DNAH7: variants seen among roughly 807,000 people sequenced by gnomAD.
DNAH7 encodes dynein axonemal heavy chain 7.
A neutral mutation model predicts 444.6 loss-of-function variants in DNAH7; 397 were observed. The ratio of observed to expected loss-of-function variants is 0.89; its 90% confidence interval spans 0.82 to 0.97. The LOEUF (loss-of-function observed/expected upper bound fraction) is 0.97, where lower values mean the gene tolerates loss of function less well. Among genes scored for constraint, DNAH7 ranks in the 50% least tolerant of loss-of-function variants. The pLI is 0.00. For synonymous variants in DNAH7, 1,636 were observed against 1,624.4 expected, an observed-to-expected ratio of 1.01 and a Z score of -0.17; for missense variants, 4,902 against 4,800.8, an observed-to-expected ratio of 1.02 and a Z score of -0.62.
chr2:196,045,793 A>C (rs115040994), intron 5 of DNAH7, among the ~76,000 whole-genome samples: 2,629 of 152,228 alleles, frequency 0.017, 79 homozygotes, highest in African/African-American at 0.06. Flanking sequence ...AATAAAAATA[A>C]AGGAAGAATA....
chr2:195,738,823 C>T (rs1692812126), intron 64 of DNAH7, among the ~76,000 whole-genome samples: 1 of 152,138 alleles, frequency 6.6e-6, no homozygotes, highest in Admixed American at 6.5e-5. Flanking sequence ...TAGCAATCCT[C>T]GAGATGATAG....
chr2:195,856,582 G>A (rs183748330), intron 44 of DNAH7, among the ~76,000 whole-genome samples: 27 of 152,184 alleles, frequency 1.8e-4, no homozygotes, highest in Admixed American at 1.8e-3. Flanking sequence ...ATTAAAATTG[G>A]ATATGAGTTT....
intron 17 of DNAH7, 75 bp from the exon 18 acceptor site, chr2:195,961,020 C>G (rs945418104): frequency 3.1e-5 from 39 of 1,263,106 alleles, no homozygotes; most frequent in Non-Finnish European, 3.6e-5. Context: ...TTTTAAATAT[C>G]TATTTCAAAT....
rs200174261 is a variant in DNAH7, at chr2:195,787,213, T to G, written c.10717-42A>C. 415 of 1,526,092 alleles carry G rather than the reference T, an allele frequency of 2.7e-4. 2 individuals carry two copies. In the African/African-American group the frequency reaches 5.5e-3, roughly 20 times the overall value. 94.5% of individuals were successfully genotyped at this position (1,526,092 alleles called of 1,614,324 possible). On this transcript the variant is annotated intron_variant, in intron 57 of 64. Transcript: ENST00000312428. ...TGATGCCGCATCATTATTTTCTCCA[T>G]ATATTGCATTATATTTACCATATTT...
chr2:195,852,530 C>A (rs1298897055), intron 46 of DNAH7, among the ~76,000 whole-genome samples: 1 of 152,108 alleles, frequency 6.6e-6, no homozygotes, highest in Non-Finnish European at 1.5e-5. Context: ...TTTTCTAAAT[C>A]TCTTTGCCTG....
rs749849759 is a variant in DNAH7, at chr2:195,906,996, C to T, written c.4118G>A (p.Cys1373Tyr). The change falls in exon 26 of 65, where the codon TGT (cysteine) becomes TAT (tyrosine). Residue 1373 changes from cysteine to tyrosine, a missense_variant. Coordinates refer to ENST00000312428, the MANE Select transcript of DNAH7 (RefSeq NM_018897.3). ...CTCATCAAAGCAAGCCCAGGCTCCA[C>T]AAGATAACAGTCCCTATGAGAAAAG... ...LGKFFKGLLSCGAWACFDEFN... is the reference protein window; with the variant it reads ...LGKFFKGLLSYGAWACFDEFN... 37 of 1,612,388 alleles carry T rather than the reference C, an allele frequency of 2.3e-5. No homozygotes were observed. Among genetic ancestry groups the T allele is most frequent in the Non-Finnish European group, 8.5e-7 (1 of 1,179,198 alleles).
At chr2:195,992,076 T>C (rs1169757433) in intron 12 of DNAH7, among the ~76,000 whole-genome samples, 1 of 152,188 alleles carries the variant, frequency 6.6e-6, no homozygotes, top group Non-Finnish European at 1.5e-5. Flanking sequence ...TCTTTAGATG[T>C]TGCAAAAAAT....
At chr2:195,862,190 T>C (rs566616719) in intron 41 of DNAH7, among the ~76,000 whole-genome samples, 5 of 152,292 alleles carry the variant, frequency 3.3e-5, no homozygotes, top group African/African-American at 1.2e-4. Context: ...GAGAAATTGT[T>C]CATGAGTGTT....
At chr2:196,060,359 G>T (rs1481678186) in intron 1 of DNAH7, among the ~76,000 whole-genome samples, 1 of 152,096 alleles carries the variant, frequency 6.6e-6, no homozygotes, top group Non-Finnish European at 1.5e-5. Flanking sequence ...AAATAATGAG[G>T]TTTATTTTCA....
Position 195,897,759 on chromosome 2 carries a change from A to G in DNAH7, c.4555T>C (p.Tyr1519His), listed in dbSNP as rs774070820. ...LTAAGNLKLK[Y>H]PNENEEILLL... ...AAAATTTCTTCATTTTCATTTGGAT[A>G]TTTCAGCTAAAAAAAAAAAAAAAAA... is the stretch of plus-strand genomic sequence containing the variant. Residue 1519 changes from tyrosine (Y) to histidine (H), a missense_variant, in exon 29 of 65, where the codon TAT becomes CAT. Transcript: ENST00000312428. The G allele has an allele frequency of 1.4e-6, 2 of 1,437,820 alleles. No homozygotes were observed. Among genetic ancestry groups the G allele is most frequent in the Admixed American group, 4.1e-5 (2 of 48,888 alleles). 89.1% of individuals were successfully genotyped at this position (1,437,820 alleles called of 1,614,324 possible).
intron 57 of DNAH7, among the ~76,000 whole-genome samples, chr2:195,789,549 G>A (rs1695778451): frequency 6.6e-6 from 1 of 152,136 alleles, no homozygotes; most frequent in Non-Finnish European, 1.5e-5. Flanking sequence ...TGGTGCTAAA[G>A]TATCTCCCCC....
intron 41 of DNAH7, among the ~76,000 whole-genome samples, chr2:195,862,366 A>G (rs1700070940): frequency 6.6e-6 from 1 of 152,112 alleles, no homozygotes; most frequent in African/African-American, 2.4e-5. Flanking sequence ...GTCTACCTCA[A>G]TCATCCCAAT....
At chr2:195,917,869 A>G (rs886326221) in intron 24 of DNAH7, among the ~76,000 whole-genome samples, 2 of 152,008 alleles carry the variant, frequency 1.3e-5, no homozygotes, top group Non-Finnish European at 2.9e-5. Context: ...GAGTTTTGCT[A>G]TGTTGCCCAG....
At chr2:195,937,122 C>A (rs1288760132) in intron 19 of DNAH7, among the ~76,000 whole-genome samples, 1 of 151,976 alleles carries the variant, frequency 6.6e-6, no homozygotes, top group Non-Finnish European at 1.5e-5. Flanking sequence ...GAGATATTTT[C>A]TTTTGTATTT....
At chr2:195,773,133 G>A (rs1033146121) in intron 60 of DNAH7, among the ~76,000 whole-genome samples, 8 of 151,928 alleles carry the variant, frequency 5.3e-5, no homozygotes, top group Non-Finnish European at 1.2e-4. Flanking sequence ...ATCCTATACA[G>A]TTACACAATA....
chr2:195,940,485 A>T (rs1689351496), intron 19 of DNAH7, among the ~76,000 whole-genome samples: 2 of 152,238 alleles, frequency 1.3e-5, no homozygotes, highest in African/African-American at 2.4e-5. Context: ...TCATTGGCTA[A>T]AACACCAAAA....
At chr2:195,790,864 T>C (rs1695845994) in intron 57 of DNAH7, among the ~76,000 whole-genome samples, 1 of 152,116 alleles carries the variant, frequency 6.6e-6, no homozygotes, top group African/African-American at 2.4e-5. Context: ...ACTAAAGAGC[T>C]TCTGGAGAGC....
At chr2:196,012,962 T>A in intron 9 of DNAH7, 56 bp from the exon 10 acceptor site, 1 of 1,240,682 alleles carries the variant, frequency 8.1e-7, no homozygotes, top group Non-Finnish European at 1.1e-6. Context: ...GTATTTAATA[T>A]TTTATTAATT....
In DNAH7 at chr2:196,054,296, G is replaced by A. The variant is rs115125298; in HGVS notation, c.79-3047C>T. On this transcript the variant is annotated intron_variant, in intron 2 of 64. Coordinates refer to ENST00000312428, the MANE Select transcript of DNAH7 (RefSeq NM_018897.3). ...AGCACTTTGGGAGGCAAAGGGGAGCGGAGTGCTTGAGCTCAGGAGTTCAAG... is the reference window on the plus strand; with the variant it reads ...AGCACTTTGGGAGGCAAAGGGGAGCAGAGTGCTTGAGCTCAGGAGTTCAAG... 6.3e-3 allele frequency among the ~76,000 whole-genome samples: 955 copies of A among 152,218 alleles called. 10 individuals carry two copies. The highest frequency in any genetic ancestry group is 0.022 in the African/African-American group (911 of 41,524).
Sources: gnomAD v4.1 joint callset for allele counts (sites outside exome capture counted in the v4.1 genomes callset) on GRCh38, gnomAD v4.1.1 for gene constraint, MANE v1.5 for transcripts, NCBI Gene and HGNC (gene_info 2026-07-23, HGNC 2026-07-21) for gene names.